Variants in SYNJ2 observed in about 807,000 individuals in gnomAD.
SYNJ2 encodes the protein polyphosphatidylinositol phosphatase SYNJ2.
A neutral mutation model predicts 141.3 loss-of-function variants in SYNJ2; 116 were observed. That is an observed-to-expected ratio of 0.82 (90% confidence interval 0.71 to 0.96). The LOEUF (loss-of-function observed/expected upper bound fraction) is 0.96, where lower values mean the gene tolerates loss of function less well. Among genes scored for constraint, SYNJ2 ranks in the 40% least tolerant of loss-of-function variants. SYNJ2 has a pLI of 0.00. For missense variants in SYNJ2, 1,873 were observed against 1,934.8 expected (o/e 0.97, Z 0.60); for synonymous variants, 745 against 777.7 (o/e 0.96, Z 0.70).
chr6:158,024,826 T>C (rs1177945956), intron 2 of SYNJ2, among the ~76,000 whole-genome samples: 1 of 152,190 alleles, frequency 6.6e-6, no homozygotes, highest in Non-Finnish European at 1.5e-5. Flanking sequence ...TGCAATCCTG[T>C]AAATAATAGA....
intron 6 of SYNJ2, among the ~76,000 whole-genome samples, chr6:158,057,692 G>C (rs2128358632): frequency 6.6e-6 from 1 of 152,360 alleles, no homozygotes; most frequent in Non-Finnish European, 1.5e-5. Context: ...GCAGGAATGA[G>C]ACAGGAAGAG....
intron 1 of SYNJ2, among the ~76,000 whole-genome samples, chr6:157,992,600 G>T (rs199968030): frequency 2.7e-5 from 4 of 148,470 alleles, no homozygotes; most frequent in South Asian, 2.1e-4. Context: ...GTTTCACCAT[G>T]TTGTCCAGGC....
intron 25 of SYNJ2, among the ~76,000 whole-genome samples, chr6:158,092,106 G>A (rs1562411078): frequency 1.9e-5 from 2 of 103,512 alleles, no homozygotes; most frequent in South Asian, 6.5e-4. Flanking sequence ...TCACAATAAA[G>A]CTGTTAAAAA....
At chr6:158,039,905 G>T (rs80177816) in intron 4 of SYNJ2, among the ~76,000 whole-genome samples, 2 of 152,216 alleles carry the variant, frequency 1.3e-5, no homozygotes, top group African/African-American at 4.8e-5. Flanking sequence ...GGATCCACCA[G>T]CCAGGCCCGC....
chr6:158,048,214 G>A (rs1317140011), intron 5 of SYNJ2, among the ~76,000 whole-genome samples: 3 of 152,282 alleles, frequency 2.0e-5, no homozygotes, highest in South Asian at 4.1e-4. Context: ...GAAGGGAGAG[G>A]CCCCGGGGGC....
At chr6:157,997,253 G>C (rs1014588936) in intron 1 of SYNJ2, among the ~76,000 whole-genome samples, 13 of 152,168 alleles carry the variant, frequency 8.5e-5, no homozygotes, top group Admixed American at 6.5e-4. Flanking sequence ...AAAATACATT[G>C]CTGTCCTAAC....
In SYNJ2 at chr6:158,005,357, G is replaced by A. The variant is rs372029604; in HGVS notation, c.128-11847G>A. Among the ~76,000 whole-genome samples, 1,085 of 152,260 alleles carry A rather than the reference G, an allele frequency of 7.1e-3. 11 individuals carry two copies. The highest frequency in any genetic ancestry group is 0.025 in the African/African-American group (1,021 of 41,550). ...CTTCCAAAGTGCTGGGATTAGAGGC[G>A]TGAGCCACCACGCCCGGCCCCCAGT... On this transcript the variant is annotated intron_variant, in intron 1 of 26. Transcript: ENST00000355585.
intron 11 of SYNJ2, among the ~76,000 whole-genome samples, chr6:158,065,349 T>G (rs577813275): frequency 6.6e-6 from 1 of 152,282 alleles, no homozygotes; most frequent in Admixed American, 6.5e-5. Context: ...TAGCAGGTGA[T>G]GTTGGCTTTG....
intron 1 of SYNJ2, among the ~76,000 whole-genome samples, chr6:158,013,158 G>A (rs928887552): frequency 6.6e-6 from 1 of 152,162 alleles, no homozygotes. Context: ...GAGACGGGCA[G>A]ATCACTTGAG....
intron 26 of SYNJ2, 110 bp downstream of exon 26, chr6:158,093,214 T>C (rs1783581198): frequency 8.0e-7 from 1 of 1,245,226 alleles, no homozygotes; most frequent in South Asian, 1.5e-5. Context: ...GGCAAGCGGA[T>C]TACGAGGTCA....
chr6:158,027,286 CAGA>C lies in SYNJ2; in HGVS notation c.215-1466_215-1464del, dbSNP rs1779098407. ...GTAGACAGCGGCCCTTGATCATTCA[CAGA>C]AGATCTCGCTGGGCGGATCCTTCAG... On this transcript the variant is annotated intron_variant, in intron 2 of 26. Transcript: ENST00000355585. This position sits in a 1 kb window ranked among gnomAD's most constrained non-coding sequence, Gnocchi z 4.6. 3 of 818,464 alleles carry C rather than the reference CAGA, an allele frequency of 3.7e-6. No individual in the cohort carries two copies. Among genetic ancestry groups the C allele is most frequent in the African/African-American group, 3.7e-5 (2 of 53,898 alleles). 50.7% of individuals were successfully genotyped at this position (818,464 alleles called of 1,614,324 possible).
At chr6:158,080,772 T>C (rs1782626587) in intron 18 of SYNJ2, among the ~76,000 whole-genome samples, 1 of 152,240 alleles carries the variant, frequency 6.6e-6, no homozygotes, top group Non-Finnish European at 1.5e-5. Context: ...TGCTGATGGC[T>C]GGTTATTTTC....
Position 158,071,224 on chromosome 6 carries a change from T to G in SYNJ2, c.1941-378T>G, listed in dbSNP as rs938781023. ...TTTAAAAATGTGTTGATTGCCCAGATGACACCTCCCATGCATGGCGTGATG... is the reference window on the plus strand; with the variant it reads ...TTTAAAAATGTGTTGATTGCCCAGAGGACACCTCCCATGCATGGCGTGATG... On this transcript the variant is annotated intron_variant, in intron 14 of 26. Transcript: ENST00000355585. The surrounding 1 kb of genome is among the most constrained non-coding windows in gnomAD (Gnocchi z 4.3). Among the ~76,000 whole-genome samples the G allele has an allele frequency of 6.6e-6, 1 of 152,116 alleles. No homozygotes were observed. The highest frequency in any genetic ancestry group is 6.6e-5 in the Admixed American group (1 of 15,264).
rs772192630 is a variant in SYNJ2, at chr6:158,084,197, A to T, written c.3208+23A>T. The T allele has an allele frequency of 8.1e-6, 13 of 1,607,576 alleles. No individual in the cohort carries two copies. The highest frequency in any genetic ancestry group is 1.1e-5 in the Non-Finnish European group (13 of 1,176,332). ...AAGGTAGCCTGACCCTTCTTTTCTC[A>T]GGAGCCTCAGCGATGGAGTCAGCTC... On this transcript the variant is annotated intron_variant, in intron 22 of 26. Coordinates refer to ENST00000355585, the MANE Select transcript of SYNJ2 (RefSeq NM_003898.4). This position sits in a 1 kb window ranked among gnomAD's most constrained non-coding sequence, Gnocchi z 5.0.
chr6:158,017,334 T>A (rs768996663), intron 2 of SYNJ2, 44 bp downstream of exon 2: 1 of 1,569,808 alleles, frequency 6.4e-7, no homozygotes, highest in East Asian at 2.3e-5. Flanking sequence ...GGCTCCCCGG[T>A]GGGCAGGAGC....
chr6:158,088,033 AATTTTTTTTTTTTTTTTTTTTTTT>A (rs1783185105), intron 23 of SYNJ2, among the ~76,000 whole-genome samples: 3 of 36,864 alleles, frequency 8.1e-5, no homozygotes, highest in Non-Finnish European at 1.2e-4. Flanking sequence ...CCTGCTTTGG[AATTTTTTTTTTTTTTTTTTTTTTT>A]TTTTTTTTTT....
At chr6:158,032,972 A>G (rs1250110485) in intron 3 of SYNJ2, among the ~76,000 whole-genome samples, 1 of 152,200 alleles carries the variant, frequency 6.6e-6, no homozygotes, top group Non-Finnish European at 1.5e-5. Flanking sequence ...GTGTGTGTAT[A>G]TGTGGATAAT....
intron 1 of SYNJ2, among the ~76,000 whole-genome samples, chr6:158,008,160 A>G (rs944365608): frequency 3.3e-5 from 5 of 152,048 alleles, no homozygotes; most frequent in African/African-American, 1.2e-4. Context: ...GGAGAGCAAC[A>G]TGGGGTTTCA....
chr6:158,094,085 G>T, intron 26 of SYNJ2: 1 of 704,336 alleles, frequency 1.4e-6, no homozygotes, highest in South Asian at 1.5e-5. Context: ...CCCCCCTAGA[G>T]AGTGTGAGGG....
Sources: gnomAD v4.1 joint callset for allele counts (sites outside exome capture counted in the v4.1 genomes callset) on GRCh38, gnomAD v4.1.1 for gene constraint, Gnocchi (gnomAD v3.1) non-coding constraint, MANE v1.5 for transcripts, NCBI Gene and HGNC (gene_info 2026-07-23, HGNC 2026-07-21) for gene names.